PCDHB9: variants seen among roughly 807,000 people sequenced by gnomAD.
PCDHB9 encodes protocadherin beta-9.
For synonymous variants in PCDHB9, 501 were observed against 439.7 expected, an observed-to-expected ratio of 1.14 and a Z score of -1.75; for missense variants, 1,072 against 995.1, an observed-to-expected ratio of 1.08 and a Z score of -1.04.
In PCDHB9 at chr5:141,188,838, A is replaced by G. The variant is rs781875698; in HGVS notation, c.1520A>G (p.Asn507Ser). ...HLPLASLVSI[N>S]ADNGHLFALR... is the part of the protein sequence containing the mutation. The stretch of plus-strand genomic sequence containing the variant: ...CCCCTCGCCTCCCTGGTCTCCATCA[A>G]CGCGGACAATGGCCACCTGTTTGCC... The change falls in exon 1 of 1, where the codon AAC becomes AGC. Residue 507 changes from asparagine to serine, a missense_variant. Asn to Ser is a conservative substitution (Grantham distance 46). Coordinates refer to ENST00000316105, the MANE Select transcript of PCDHB9 (RefSeq NM_019119.5). The G allele has an allele frequency of 3.9e-5, 63 of 1,612,748 alleles. No homozygotes were observed. Among genetic ancestry groups the G allele is most frequent in the South Asian group, 4.4e-5 (4 of 91,014 alleles).
In PCDHB9 at chr5:141,187,902, T is replaced by C. The variant is rs1753777749; in HGVS notation, c.584T>C (p.Val195Ala). ...SDEGMIYPELVLDKALDREEQ... is the reference protein window; with the variant it reads ...SDEGMIYPELALDKALDREEQ... The stretch of plus-strand genomic sequence containing the variant: ...GAAGGCATGATATATCCAGAGCTAG[T>C]GTTGGACAAAGCACTGGATCGGGAG... The change falls in exon 1 of 1, where the codon GTG becomes GCG. Residue 195 changes from valine to alanine, a missense_variant. Coordinates refer to ENST00000316105, the MANE Select transcript of PCDHB9 (RefSeq NM_019119.5). The C allele has an allele frequency of 1.9e-6, 3 of 1,614,166 alleles. No individual in the cohort carries two copies. In the Middle Eastern group the frequency reaches 4.9e-4, roughly 266 times the overall value.
rs1226431221 is a variant in PCDHB9, at chr5:141,189,412, T to A, written c.2094T>A (p.Ser698=). The part of the protein sequence containing the change: ...VYLVVALASV[S]SLFLLSVLLF... The stretch of plus-strand genomic sequence containing the variant: ...TGGTGGTGGCGTTGGCCTCGGTGTC[T>A]TCGCTCTTCCTCCTCTCGGTGCTCC... Residue 698 remains serine (S), a synonymous_variant, in exon 1 of 1, where the codon TCT becomes TCA. Transcript: ENST00000316105. 9 of 1,611,614 alleles carry A rather than the reference T, an allele frequency of 5.6e-6. No individual in the cohort carries two copies. Among genetic ancestry groups the A allele is most frequent in the Non-Finnish European group, 7.6e-6 (9 of 1,179,704 alleles).
In PCDHB9 at chr5:141,191,280, A is replaced by C. The variant is rs1753898519; in HGVS notation, c.*1568A>C. ...AATAAAATAAAATAAAATATAAAAT[A>C]ACTTAAAAAGAACTTTGAATAAAAT... is the stretch of plus-strand genomic sequence containing the variant. On this transcript the variant is annotated 3_prime_UTR_variant, in exon 1 of 1. Coordinates refer to ENST00000316105, the MANE Select transcript of PCDHB9 (RefSeq NM_019119.5). 6.6e-6 allele frequency: 1 copy of C among 152,082 alleles called. No individual in the cohort carries two copies. Among genetic ancestry groups the C allele is most frequent in the South Asian group, 2.1e-4 (1 of 4,826 alleles). The allele number at this position is 152,082 out of a possible 1,614,324, so 9.4% of individuals were successfully genotyped here.
Position 141,187,950 on chromosome 5 carries a change from C to A in PCDHB9, c.632C>A (p.Thr211Asn), listed in dbSNP as rs1753779313. The A allele has an allele frequency of 1.9e-6, 3 of 1,613,996 alleles. No homozygotes were observed. Among genetic ancestry groups the A allele is most frequent in the South Asian group, 2.2e-5 (2 of 91,084 alleles). The change falls in exon 1 of 1, where the codon ACC (threonine) becomes AAC (asparagine). Residue 211 changes from threonine (T) to asparagine (N), a missense_variant. By Grantham distance (65) the Thr-to-Asn change is moderately conservative. Coordinates refer to ENST00000316105, the MANE Select transcript of PCDHB9 (RefSeq NM_019119.5). ...DREEQEELSLTLTALDGGSPS... is the reference protein window; with the variant it reads ...DREEQEELSLNLTALDGGSPS... ...GAGGAGCAGGAAGAGCTCAGCTTAACCCTCACAGCGCTGGATGGTGGGTCT... is the reference window on the plus strand; with the variant it reads ...GAGGAGCAGGAAGAGCTCAGCTTAAACCTCACAGCGCTGGATGGTGGGTCT...
In PCDHB9 at chr5:141,189,415, G is replaced by T. The variant is rs1395456648; in HGVS notation, c.2097G>T (p.Ser699=). 6.8e-6 allele frequency: 11 copies of T among 1,611,406 alleles called. No individual in the cohort carries two copies. Among genetic ancestry groups the T allele is most frequent in the Middle Eastern group, 2.0e-4 (1 of 5,094 alleles). ...YLVVALASVS[S]LFLLSVLLFV... is the part of the protein sequence containing the mutation. ...TGGTGGCGTTGGCCTCGGTGTCTTC[G>T]CTCTTCCTCCTCTCGGTGCTCCTGT... The change falls in exon 1 of 1, where the codon TCG becomes TCT. Residue 699 remains serine (S), a synonymous_variant. Coordinates refer to ENST00000316105, the MANE Select transcript of PCDHB9 (RefSeq NM_019119.5).
rs1309226917 is a variant in PCDHB9, at chr5:141,188,921, G to A, written c.1603G>A (p.Asp535Asn). Residue 535 changes from aspartate to asparagine, a missense_variant, in exon 1 of 1, where the codon GAC becomes AAC. Transcript: ENST00000316105. The part of the protein sequence containing the change: ...QAFDFRVGAS[D>N]RGSPALSSEA... Reference sequence around the variant, plus strand: ...TTTCGACTTCCGCGTGGGCGCCTCAGACCGCGGCTCCCCGGCTTTGAGCAG... The same window carrying A: ...TTTCGACTTCCGCGTGGGCGCCTCAAACCGCGGCTCCCCGGCTTTGAGCAG... The A allele has an allele frequency of 4.3e-6, 7 of 1,612,060 alleles. No homozygotes were observed. Among genetic ancestry groups the A allele is most frequent in the Non-Finnish European group, 5.9e-6 (7 of 1,179,860 alleles).
Position 141,188,900 on chromosome 5 carries a change from G to C in PCDHB9, c.1582G>C (p.Asp528His), listed in dbSNP as rs368671656. 1.2e-6 allele frequency: 2 copies of C among 1,612,418 alleles called. No homozygotes were observed. Among genetic ancestry groups the C allele is most frequent in the East Asian group, 2.2e-5 (1 of 44,880 alleles). ...GGACTACGAGGCCCTGCAGGCTTTC[G>C]ACTTCCGCGTGGGCGCCTCAGACCG... ...SLDYEALQAF[D>H]FRVGASDRGS... The change falls in exon 1 of 1, where the codon GAC becomes CAC. Residue 528 changes from aspartate to histidine, a missense_variant. By Grantham distance (81) the Asp-to-His change is moderately conservative. Coordinates refer to ENST00000316105, the MANE Select transcript of PCDHB9 (RefSeq NM_019119.5).
rs371493524 is a variant in PCDHB9 at position 141,187,277 on chromosome 5, G to T, written c.-42G>T. 2.4e-4 allele frequency: 380 copies of T among 1,574,750 alleles called. 1 individual carries two copies. Among genetic ancestry groups the T allele is most frequent in the Non-Finnish European group, 3.2e-4 (365 of 1,154,182 alleles). ...TGGGTTTGCGATTGCTATTTGTGCT[G>T]GGGCAGTGTGATTGAGACTGACATT... On this transcript the variant is annotated 5_prime_UTR_variant, in exon 1 of 1. Coordinates refer to ENST00000316105, the MANE Select transcript of PCDHB9 (RefSeq NM_019119.5).
chr5:141,187,354 G>A lies in PCDHB9; in HGVS notation c.36G>A (p.Arg12=), dbSNP rs376828202. The A allele has an allele frequency of 1.4e-5, 23 of 1,614,010 alleles. No homozygotes were observed. Among genetic ancestry groups the A allele is most frequent in the Middle Eastern group, 1.6e-4 (1 of 6,084 alleles). The stretch of plus-strand genomic sequence containing the variant: ...GGGGGTTCAGCTTTCCAAGACAAAG[G>A]CAAGTCCTGTTTCTTTTTCTTTTCT... The part of the protein sequence containing the change: ...KTRGFSFPRQ[R]QVLFLFLFWG... The change falls in exon 1 of 1, where the codon AGG becomes AGA. Residue 12 remains arginine (R), a synonymous_variant. Coordinates refer to ENST00000316105, the MANE Select transcript of PCDHB9 (RefSeq NM_019119.5).
At position 141,188,786 on chromosome 5, in the gene PCDHB9, C is replaced by T. The variant is rs1753810502; in HGVS notation, c.1468C>T (p.Leu490=). The T allele has an allele frequency of 1.2e-6, 2 of 1,612,846 alleles. No homozygotes were observed. The highest frequency in any genetic ancestry group is 1.3e-5 in the African/African-American group (1 of 74,876). Reference sequence around the variant, plus strand: ...CACCAACGCCCAGGTCACCTACTCGCTGCTGCCGCCCCAGGACCCACACCT... The same window carrying T: ...CACCAACGCCCAGGTCACCTACTCGTTGCTGCCGCCCCAGGACCCACACCT... ...SGTNAQVTYS[L]LPPQDPHLPL... is the part of the protein sequence containing the mutation. The change falls in exon 1 of 1, where the codon CTG becomes TTG. Residue 490 remains leucine, a synonymous_variant. Coordinates refer to ENST00000316105, the MANE Select transcript of PCDHB9 (RefSeq NM_019119.5).
Position 141,188,935 on chromosome 5 carries a change from G to C in PCDHB9, c.1617G>C (p.Pro539=), listed in dbSNP as rs373630334. Residue 539 remains proline (P), a synonymous_variant, in exon 1 of 1, where the codon CCG becomes CCC. Coordinates refer to ENST00000316105, the MANE Select transcript of PCDHB9 (RefSeq NM_019119.5). ...TGGGCGCCTCAGACCGCGGCTCCCC[G>C]GCTTTGAGCAGCGAGGCGCTGGTGC... ...FRVGASDRGS[P]ALSSEALVRV... 4.0e-5 allele frequency: 64 copies of C among 1,611,952 alleles called. No individual in the cohort carries two copies. In the Middle Eastern group the frequency reaches 2.2e-3, roughly 55 times the overall value.
Position 141,189,781 on chromosome 5 carries a change from C to G in PCDHB9, c.*69C>G. On this transcript the variant is annotated 3_prime_UTR_variant, in exon 1 of 1. Transcript: ENST00000316105. ...TTGTTGGCTAACTAAATTGTGTATG[C>G]CCACCACAAAGAAGGTACTATTTTT... 1.5e-6 allele frequency: 2 copies of G among 1,316,818 alleles called. No homozygotes were observed. The highest frequency in any genetic ancestry group is 2.1e-6 in the Non-Finnish European group (2 of 955,292). 81.6% of individuals were successfully genotyped at this position (1,316,818 alleles called of 1,614,324 possible). A position where few individuals can be genotyped will look rare whatever the true frequency, so the allele number is the denominator to read the frequency against.
Position 141,188,794 on chromosome 5 carries a change from G to C in PCDHB9, c.1476G>C (p.Pro492=), listed in dbSNP as rs1753810921. ...TNAQVTYSLL[P]PQDPHLPLAS... ...CCCAGGTCACCTACTCGCTGCTGCCGCCCCAGGACCCACACCTGCCCCTCG... is the reference window on the plus strand; with the variant it reads ...CCCAGGTCACCTACTCGCTGCTGCCCCCCCAGGACCCACACCTGCCCCTCG... Residue 492 remains proline, a synonymous_variant, in exon 1 of 1, where the codon CCG becomes CCC. Transcript: ENST00000316105. The C allele has an allele frequency of 1.2e-6, 2 of 1,612,882 alleles. No individual in the cohort carries two copies. Among genetic ancestry groups the C allele is most frequent in the Admixed American group, 1.7e-5 (1 of 60,012 alleles).
In PCDHB9 at chr5:141,188,434, C is replaced by G. The variant is rs781883599; in HGVS notation, c.1116C>G (p.Asp372Glu). The change falls in exon 1 of 1, where the codon GAC (aspartate) becomes GAG (glutamate). Residue 372 changes from aspartate to glutamate, a missense_variant. Coordinates refer to ENST00000316105, the MANE Select transcript of PCDHB9 (RefSeq NM_019119.5). Reference sequence around the variant, plus strand: ...TATTGGCTGTTTTTAAGATTAAAGACAGAGACTCCGGAGAAAATGGAAAGA... The same window carrying G: ...TATTGGCTGTTTTTAAGATTAAAGAGAGAGACTCCGGAGAAAATGGAAAGA... ...GIVLAVFKIK[D>E]RDSGENGKTI... The G allele has an allele frequency of 1.2e-6, 2 of 1,614,008 alleles. No individual in the cohort carries two copies. The highest frequency in any genetic ancestry group is 1.3e-5 in the African/African-American group (1 of 74,908).
Position 141,188,383 on chromosome 5 carries a change from T to C in PCDHB9, c.1065T>C (p.Ser355=), listed in dbSNP as rs782446087. Residue 355 remains serine (S), a synonymous_variant, in exon 1 of 1, where the codon TCT becomes TCC. Transcript: ENST00000316105. ...TGATCATATCATCACTTTCCAACTC[T>C]GTTGCTGAAAACTCTCCTGGGATAG... is the stretch of plus-strand genomic sequence containing the variant. ...PELIISSLSN[S]VAENSPGIVL... 1 of 1,613,774 alleles carries C rather than the reference T, an allele frequency of 6.2e-7. No homozygotes were observed. The highest frequency in any genetic ancestry group is 8.5e-7 in the Non-Finnish European group (1 of 1,179,700).
In PCDHB9 at chr5:141,190,658, C is replaced by CAAAATAAAAAAAAAAA. The variant is rs1753882015; in HGVS notation, c.*950_*951insTAAAAAAAAAAAAAAA. The CAAAATAAAAAAAAAAA allele has an allele frequency of 8.4e-6, 1 of 118,426 alleles. No homozygotes were observed. Among genetic ancestry groups the CAAAATAAAAAAAAAAA allele is most frequent in the Non-Finnish European group, 1.7e-5 (1 of 57,774 alleles). 7.3% of individuals were successfully genotyped at this position (118,426 alleles called of 1,614,324 possible). ...TGTAAATGGGCTTTAGTCTGGAAACCAAAAAAAAAAAAAAAATTTAGTCAT... is the reference window on the plus strand; with the variant it reads ...TGTAAATGGGCTTTAGTCTGGAAACCAAAATAAAAAAAAAAAAAAAAAAAAAAAAAAATTTAGTCAT... On this transcript the variant is annotated 3_prime_UTR_variant, in exon 1 of 1. Transcript: ENST00000316105.
rs1554283131 is a variant in PCDHB9, at chr5:141,188,815, C to T, written c.1497C>T (p.Pro499=). Residue 499 remains proline (P), a synonymous_variant, in exon 1 of 1, where the codon CCC becomes CCT. Transcript: ENST00000316105. The stretch of plus-strand genomic sequence containing the variant: ...TGCCGCCCCAGGACCCACACCTGCC[C>T]CTCGCCTCCCTGGTCTCCATCAACG... ...SLLPPQDPHL[P]LASLVSINAD... The T allele has an allele frequency of 1.9e-6, 3 of 1,612,842 alleles. 1 individual carries two copies. In the African/African-American group the frequency reaches 4.0e-5, roughly 22 times the overall value.
Position 141,189,739 on chromosome 5 carries a change from A to G in PCDHB9, c.*27A>G, listed in dbSNP as rs1554283442. 3 of 1,525,266 alleles carry G rather than the reference A, an allele frequency of 2.0e-6. No individual in the cohort carries two copies. The highest frequency in any genetic ancestry group is 2.8e-5 in the African/African-American group (2 of 71,880). 94.5% of individuals were successfully genotyped at this position (1,525,266 alleles called of 1,614,324 possible). A position where few individuals can be genotyped will look rare whatever the true frequency, so the allele number is the denominator to read the frequency against. On this transcript the variant is annotated 3_prime_UTR_variant, in exon 1 of 1. Transcript: ENST00000316105. ...AGGAACCCACTTAATAAAGACATTT[A>G]CTTCTTTAATATATTCTTGTTGGCT... is the stretch of plus-strand genomic sequence containing the variant.
In PCDHB9 at chr5:141,190,351, G is replaced by C. The variant is rs1448893501; in HGVS notation, c.*639G>C. 1 of 151,806 alleles carries C rather than the reference G, an allele frequency of 6.6e-6. No homozygotes were observed. The highest frequency in any genetic ancestry group is 1.9e-4 in the East Asian group (1 of 5,172). 9.4% of individuals were successfully genotyped at this position (151,806 alleles called of 1,614,324 possible). A position where few individuals can be genotyped will look rare whatever the true frequency, so the allele number is the denominator to read the frequency against. On this transcript the variant is annotated 3_prime_UTR_variant, in exon 1 of 1. Transcript: ENST00000316105. ...ATGTCACCACGTTCGGCTAATTTTT[G>C]TATTTTCAGTAGAGACGGGTTTCAT...
Sources: gnomAD v4.1 joint callset for allele counts on GRCh38, gnomAD v4.1.1 for gene constraint, MANE v1.5 for transcripts, NCBI Gene and HGNC (gene_info 2026-07-23, HGNC 2026-07-21) for gene names.